The following TRMT11 variants were observed in gnomAD, a reference collection of about 807,000 sequenced individuals.
TRMT11 encodes tRNA (guanine(10)-N(2))-methyltransferase TRMT11.
TRMT11 carries 53 observed loss-of-function variants against 62.8 expected under a neutral mutation model. The ratio of observed to expected loss-of-function variants is 0.84; its 90% CI spans 0.68 to 1.06. The LOEUF is 1.06. TRMT11 is among the 50% of genes least tolerant of loss of function. The pLI is 0.00. For synonymous variants in TRMT11, 188 were observed against 190.3 expected (o/e 0.99, Z 0.10); for missense variants, 556 against 553.4 (o/e 1.00, Z -0.05).
chr6:126,014,214 A>G (rs1269575378), intron 11 of TRMT11, among the ~76,000 whole-genome samples: 1 of 152,082 alleles, frequency 6.6e-6, no homozygotes, highest in Non-Finnish European at 1.5e-5. Flanking sequence ...TTTTAATACA[A>G]TTATTTTAAT....
chr6:125,993,009 G>A (rs939542252), intron 1 of TRMT11, among the ~76,000 whole-genome samples: 1 of 152,164 alleles, frequency 6.6e-6, no homozygotes, highest in Non-Finnish European at 1.5e-5. Context: ...TGGGCTTGGT[G>A]TTAAAGGCTC....
At chr6:126,142,679 T>A (rs1171298002) in intron 21 of TRMT11, among the ~76,000 whole-genome samples, 2 of 152,104 alleles carry the variant, frequency 1.3e-5, no homozygotes, top group Non-Finnish European at 2.9e-5. Context: ...TAAAATAAAA[T>A]GTTTTTGTAA....
rs1776760125 is a variant in TRMT11 at position 126,068,735 on chromosome 6, A to T, written c.*1437+15545A>T. Among the ~76,000 whole-genome samples, 3 of 152,104 alleles carry T rather than the reference A, an allele frequency of 2.0e-5. No homozygotes were observed. The South Asian group carries it at 6.2e-4, about 32-fold the overall frequency. ...TTCAAGAGCGTATCGGCTATTCTTA[A>T]CTCTTTGCATTTTCCTGTAAATTTT... On this transcript the variant is annotated intron_variant and NMD_transcript_variant, in intron 17 of 22. Coordinates refer to the TRMT11 transcript ENST00000648977.
rs5879799 is a variant in TRMT11, at chr6:126,061,540, ATTT to A, written c.*1437+8368_*1437+8370del. Among the ~76,000 whole-genome samples, 62 of 135,408 alleles carry A rather than the reference ATTT, an allele frequency of 4.6e-4. 1 individual carries two copies. Among genetic ancestry groups the A allele is most frequent in the African/African-American group, 1.3e-3 (46 of 36,212 alleles). The allele number at this position is 135,408 out of a possible 152,430, so 88.8% of individuals were successfully genotyped here. ...CTCAGAATGAATTAAGGATCAGTCA[ATTT>A]TTTTTTTTTTTTTTTTTAGCTATTA... On this transcript the variant is annotated intron_variant and NMD_transcript_variant, in intron 17 of 22. Coordinates refer to the TRMT11 transcript ENST00000648977.
chr6:126,002,623 G>A (rs1290714355), intron 7 of TRMT11, among the ~76,000 whole-genome samples: 4 of 151,880 alleles, frequency 2.6e-5, no homozygotes, highest in Non-Finnish European at 5.9e-5. Context: ...CTCTGTTTTA[G>A]GTTTTTATCT....
intron 7 of TRMT11, among the ~76,000 whole-genome samples, chr6:126,000,080 TG>T (rs1381405256): frequency 5.3e-5 from 8 of 152,156 alleles, no homozygotes; most frequent in African/African-American, 1.9e-4. Flanking sequence ...AGTTGGTTTA[TG>T]GAGGTTTATA....
At chr6:126,151,825 T>TAG (rs71024743) in intron 21 of TRMT11, among the ~76,000 whole-genome samples, 38 of 88,840 alleles carry the variant, frequency 4.3e-4, no homozygotes, top group African/African-American at 5.0e-4. Context: ...TTTCTTTCTT[T>TAG]CTTTCTTTCT....
At chr6:126,245,790 T>C in the TRMT11 span, among the ~76,000 whole-genome samples, 2 of 152,122 alleles carry the variant, frequency 1.3e-5, no homozygotes, top group Non-Finnish European at 2.9e-5. Context: ...AGTTTGAATA[T>C]ACTGTATTAC....
At chr6:126,120,370 C>T (rs539271002) in intron 21 of TRMT11, among the ~76,000 whole-genome samples, 1 of 152,204 alleles carries the variant, frequency 6.6e-6, no homozygotes, top group South Asian at 2.1e-4. Context: ...TGGATGATTG[C>T]TATTTTTATT....
chr6:126,007,996 A>G (rs1456687292), intron 7 of TRMT11, among the ~76,000 whole-genome samples: 1 of 152,044 alleles, frequency 6.6e-6, no homozygotes, highest in African/African-American at 2.4e-5. Flanking sequence ...AATTGAGCCT[A>G]GTCATCAGAA....
intron 17 of TRMT11, among the ~76,000 whole-genome samples, chr6:126,056,306 G>A (rs148241946): frequency 6.6e-6 from 1 of 152,188 alleles, no homozygotes; most frequent in African/African-American, 2.4e-5. Context: ...TTGAATCATG[G>A]TAAGGAGTCA....
chr6:125,994,144 T>C (rs1791066783), intron 2 of TRMT11, among the ~76,000 whole-genome samples: 1 of 152,214 alleles, frequency 6.6e-6, no homozygotes, highest in African/African-American at 2.4e-5. Context: ...TGGGCTCGTG[T>C]TGAGAATCAT....
At chr6:126,054,052 A>G (rs968523836) in intron 17 of TRMT11, among the ~76,000 whole-genome samples, 2 of 152,202 alleles carry the variant, frequency 1.3e-5, no homozygotes, top group African/African-American at 2.4e-5. Context: ...GCCAGATCCT[A>G]AAGGACTCAT....
At chr6:126,047,727 C>T (rs1233888636) in intron 16 of TRMT11, among the ~76,000 whole-genome samples, 4 of 152,176 alleles carry the variant, frequency 2.6e-5, no homozygotes, top group East Asian at 3.9e-4. Context: ...CAAAAGCGCT[C>T]GCCCAGCTCC....
intron 21 of TRMT11, among the ~76,000 whole-genome samples, chr6:126,141,023 C>T (rs1777911018): frequency 6.6e-6 from 1 of 152,020 alleles, no homozygotes; most frequent in Admixed American, 6.6e-5. Context: ...CATAATGACT[C>T]TACTGGTCTT....
the TRMT11 span, among the ~76,000 whole-genome samples, chr6:126,268,219 C>T: frequency 7.2e-5 from 11 of 152,218 alleles, no homozygotes; most frequent in East Asian, 1.5e-3. Flanking sequence ...AGAGAGCTAT[C>T]GCCTGGGGCC....
At chr6:125,988,992 C>T (rs1790137445) in intron 1 of TRMT11, among the ~76,000 whole-genome samples, 1 of 152,008 alleles carries the variant, frequency 6.6e-6, no homozygotes, top group Non-Finnish European at 1.5e-5. Flanking sequence ...GGCTTAAAGG[C>T]ACAGAGGTGT....
At chr6:126,114,772 G>C (rs1777568926) in intron 19 of TRMT11, among the ~76,000 whole-genome samples, 1 of 151,882 alleles carries the variant, frequency 6.6e-6, no homozygotes, top group Non-Finnish European at 1.5e-5. Flanking sequence ...TATTTTATTT[G>C]TTATTCAGCA....
intron 12 of TRMT11, among the ~76,000 whole-genome samples, chr6:126,033,296 G>A (rs1179334908): frequency 2.0e-5 from 3 of 152,098 alleles, no homozygotes; most frequent in African/African-American, 7.2e-5. Context: ...TGTGTTTAAA[G>A]CAGCAGTTTC....
Sources: gnomAD v4.1 joint callset for allele counts (sites outside exome capture counted in the v4.1 genomes callset) on GRCh38, gnomAD v4.1.1 for gene constraint, MANE v1.5 for transcripts, NCBI Gene and HGNC (gene_info 2026-07-23, HGNC 2026-07-21) for gene names.